Variants in IGF1R observed in about 807,000 individuals in gnomAD.
IGF1R encodes insulin like growth factor 1 receptor.
In IGF1R, 44 loss-of-function variants were observed where a neutral mutation model predicts 144.6. The ratio of observed to expected loss-of-function variants is 0.30; its 90% CI spans 0.24 to 0.39. The LOEUF (loss-of-function observed/expected upper bound fraction) is 0.39, where lower values mean the gene tolerates loss of function less well. Ranked by LOEUF, IGF1R falls within the 10% of genes least tolerant of loss-of-function variation. IGF1R has a pLI of 1.00. For synonymous variants in IGF1R, 795 were observed against 722.8 expected (o/e 1.10, Z -1.60); for missense variants, 1,355 against 1,833.7 (o/e 0.74, Z 4.77).
Position 98,773,789 on chromosome 15 carries a change from G to C in IGF1R, c.640+65682G>C, listed in dbSNP as rs45608132. ...GGCTCTGGGAAGCAGTGCTCTCTCT[G>C]AGTGTGAATAAGGATCCACATAGCT... is the stretch of plus-strand genomic sequence containing the variant. On this transcript the variant is annotated intron_variant, in intron 2 of 20. Transcript: ENST00000650285. Among the ~76,000 whole-genome samples the C allele has an allele frequency of 7.8e-3, 1,193 of 152,212 alleles. 22 individuals are homozygous for C. Among genetic ancestry groups the C allele is most frequent in the African/African-American group, 0.027 (1,126 of 41,514 alleles).
At chr15:98,693,442 C>T (rs1371714250) in intron 1 of IGF1R, among the ~76,000 whole-genome samples, 1 of 152,160 alleles carries the variant, frequency 6.6e-6, no homozygotes, top group South Asian at 2.1e-4. Flanking sequence ...GGCTGCTGTC[C>T]TTCAGCCCTG....
At chr15:98,753,978 G>A (rs1432725816) in intron 2 of IGF1R, among the ~76,000 whole-genome samples, 1 of 152,052 alleles carries the variant, frequency 6.6e-6, no homozygotes, top group African/African-American at 2.4e-5. Flanking sequence ...GATACTGCAG[G>A]GCTCCAGCCT....
intron 2 of IGF1R, among the ~76,000 whole-genome samples, chr15:98,766,774 C>T (rs533541585): frequency 6.6e-6 from 1 of 152,302 alleles, no homozygotes; most frequent in South Asian, 2.1e-4. Flanking sequence ...GCACCACCTT[C>T]AACTGTTTTG....
At chr15:98,852,574 A>C (rs2011581625) in intron 2 of IGF1R, among the ~76,000 whole-genome samples, 1 of 152,086 alleles carries the variant, frequency 6.6e-6, no homozygotes, top group Non-Finnish European at 1.5e-5. Flanking sequence ...GAGGAGGAGT[A>C]ACCTTCCCCA....
chr15:98,746,255 C>T (rs552423070), intron 2 of IGF1R, among the ~76,000 whole-genome samples: 10 of 152,228 alleles, frequency 6.6e-5, no homozygotes, highest in Admixed American at 2.6e-4. Context: ...ACATCTAGGT[C>T]GGGACAGGTA....
chr15:98,916,235 C>G, intron 9 of IGF1R, 104 bp downstream of exon 9: 4 of 1,003,688 alleles, frequency 4.0e-6, no homozygotes, highest in Non-Finnish European at 6.1e-6. Flanking sequence ...CAGTGTAGTT[C>G]TCCATTGGAA....
rs1258505274 is a variant in IGF1R, at chr15:98,950,307, G to T, written c.3722+1599G>T. ...ACAGGAGGGAATGAGGGCTCCAGCA[G>T]CCACAAAAGTTTTGCTCATTTGGTC... On this transcript the variant is annotated intron_variant, in intron 20 of 20. Transcript: ENST00000650285. Among the ~76,000 whole-genome samples the T allele has an allele frequency of 2.0e-5, 3 of 152,330 alleles. No individual in the cohort carries two copies. The East Asian group carries it at 5.8e-4, about 29-fold the overall frequency.
rs564432205 is a variant in IGF1R, at chr15:98,915,904, T to C, written c.1829-60T>C. The C allele has an allele frequency of 1.6e-5, 24 of 1,533,018 alleles. No individual in the cohort carries two copies. In the African/African-American group the frequency reaches 3.0e-4, roughly 19 times the overall value. The allele number at this position is 1,533,018 out of a possible 1,614,324, so 95.0% of individuals were successfully genotyped here. ...TTTCCTGTTGGCTTGCCAGAGTATC[T>C]GATAGCCTGACTCTTAAGTTCATTT... On this transcript the variant is annotated intron_variant, in intron 8 of 20. Coordinates refer to ENST00000650285, the MANE Select transcript of IGF1R (RefSeq NM_000875.5).
intron 3 of IGF1R, among the ~76,000 whole-genome samples, chr15:98,894,201 A>G (rs2014064482): frequency 6.6e-6 from 1 of 152,140 alleles, no homozygotes; most frequent in Non-Finnish European, 1.5e-5. Context: ...CAGCCTCCCA[A>G]AGTGCTGGGA....
intron 19 of IGF1R, among the ~76,000 whole-genome samples, chr15:98,948,316 A>G (rs956931459): frequency 3.3e-5 from 5 of 152,158 alleles, no homozygotes; most frequent in African/African-American, 1.2e-4. Context: ...TGACCGTGCA[A>G]GGGATGCCGG....
intron 2 of IGF1R, among the ~76,000 whole-genome samples, chr15:98,829,872 A>G (rs1174148265): frequency 6.6e-6 from 1 of 152,184 alleles, no homozygotes; most frequent in Non-Finnish European, 1.5e-5. Flanking sequence ...TTCTCCGTGT[A>G]CCTTGTTTTT....
intron 2 of IGF1R, among the ~76,000 whole-genome samples, chr15:98,838,988 G>A (rs936183094): frequency 6.6e-6 from 1 of 152,248 alleles, no homozygotes; most frequent in African/African-American, 2.4e-5. Flanking sequence ...AAGGGCAGGA[G>A]CACTGGAAGG....
chr15:98,739,375 T>TC (rs1225753071), intron 2 of IGF1R, among the ~76,000 whole-genome samples: 1 of 152,112 alleles, frequency 6.6e-6, no homozygotes, highest in Non-Finnish European at 1.5e-5. Flanking sequence ...GTTTTCATGA[T>TC]CTCCCCCAAA....
At chr15:98,916,956 T>C (rs767845693) in intron 10 of IGF1R, 80 bp downstream of exon 10, 3 of 1,231,844 alleles carry the variant, frequency 2.4e-6, no homozygotes, top group East Asian at 4.7e-5. Flanking sequence ...CACCAGGTAG[T>C]GTGTAAGTCA....
chr15:98,895,393 CTA>C (rs544488210), intron 3 of IGF1R, among the ~76,000 whole-genome samples: 71 of 150,332 alleles, frequency 4.7e-4, no homozygotes, highest in African/African-American at 1.7e-3. Context: ...TTTTGTGACT[CTA>C]TAATTATTTT....
At chr15:98,756,069 A>C (rs1352230071) in intron 2 of IGF1R, among the ~76,000 whole-genome samples, 1 of 152,114 alleles carries the variant, frequency 6.6e-6, no homozygotes, top group Non-Finnish European at 1.5e-5. Flanking sequence ...TGATTTGCTA[A>C]TATTTTTTTA....
chr15:98,938,136 T>C (rs1447686157), intron 17 of IGF1R, among the ~76,000 whole-genome samples: 1 of 152,236 alleles, frequency 6.6e-6, no homozygotes, highest in African/African-American at 2.4e-5. Flanking sequence ...CCACTGGGCA[T>C]TGACTATGTG....
intron 2 of IGF1R, among the ~76,000 whole-genome samples, chr15:98,807,816 A>G (rs1364782719): frequency 6.6e-6 from 1 of 152,248 alleles, no homozygotes; most frequent in East Asian, 1.9e-4. Context: ...TCTTTCAAGC[A>G]GTCGGATTTT....
chr15:98,912,475 T>C (rs2015065411), intron 7 of IGF1R, among the ~76,000 whole-genome samples: 1 of 152,238 alleles, frequency 6.6e-6, no homozygotes, highest in South Asian at 2.1e-4. Flanking sequence ...CTGTGCGAAG[T>C]ACTATATTCT....
Sources: allele counts gnomAD v4.1 joint callset (sites outside exome capture counted in the v4.1 genomes callset), GRCh38; gene constraint gnomAD v4.1.1; transcripts MANE v1.5; gene names NCBI Gene and HGNC (gene_info 2026-07-23, HGNC 2026-07-21).